The following PPA2 variants were observed in gnomAD, a reference collection of about 807,000 sequenced individuals.
PPA2 encodes inorganic pyrophosphatase 2.
A neutral mutation model predicts 49.5 loss-of-function variants in PPA2; 48 were observed. That is an observed-to-expected ratio of 0.97 (90% CI 0.77 to 1.23). The LOEUF is 1.23. Ranked by LOEUF, PPA2 falls within the 50% of genes most tolerant of loss-of-function variation. The pLI is 0.00. For missense variants in PPA2, 429 were observed against 410.1 expected (o/e 1.05, Z -0.40); for synonymous variants, 131 against 139.9 (o/e 0.94, Z 0.45).
intron 1 of PPA2, among the ~76,000 whole-genome samples, chr4:105,463,618 CCT>C (rs2110327562): frequency 6.6e-6 from 1 of 152,324 alleles, no homozygotes; most frequent in South Asian, 2.1e-4. Flanking sequence ...CATCACAGGC[CCT>C]GAGGCCTAGT....
chr4:105,415,287 C>A (rs1422525990), intron 7 of PPA2, among the ~76,000 whole-genome samples: 1 of 152,212 alleles, frequency 6.6e-6, no homozygotes, highest in African/African-American at 2.4e-5. Context: ...TCCACTGTAC[C>A]CAGGCTGTTT....
chr4:105,440,505 C>T (rs1377532908), intron 5 of PPA2, among the ~76,000 whole-genome samples: 1 of 152,144 alleles, frequency 6.6e-6, no homozygotes, highest in East Asian at 1.9e-4. Context: ...TCGTGATCCA[C>T]CTGCCTCGGC....
At chr4:105,399,866 T>C (rs1734288967) in intron 7 of PPA2, among the ~76,000 whole-genome samples, 2 of 152,188 alleles carry the variant, frequency 1.3e-5, no homozygotes, top group African/African-American at 4.8e-5. Flanking sequence ...ATTCCAGAAA[T>C]AAACAATTCA....
intron 10 of PPA2, among the ~76,000 whole-genome samples, chr4:105,378,471 T>C (rs1733347706): frequency 6.6e-6 from 1 of 152,182 alleles, no homozygotes; most frequent in Non-Finnish European, 1.5e-5. Flanking sequence ...GAAAGTTCTT[T>C]ATATATTCTG....
chr4:105,393,935 T>G (rs567660897), intron 9 of PPA2, among the ~76,000 whole-genome samples: 10 of 152,296 alleles, frequency 6.6e-5, no homozygotes, highest in Non-Finnish European at 8.8e-5. Flanking sequence ...TGAGTTAAAA[T>G]TCTGAAGCTC....
At position 105,429,144 on chromosome 4, in the gene PPA2, A is replaced by C. The variant is rs144461868; in HGVS notation, c.529-4822T>G. Among the ~76,000 whole-genome samples the C allele has an allele frequency of 6.8e-4, 104 of 152,224 alleles. 1 individual carries two copies. Among genetic ancestry groups the C allele is most frequent in the African/African-American group, 2.5e-3 (103 of 41,534 alleles). On this transcript the variant is annotated intron_variant, in intron 6 of 11. Coordinates refer to ENST00000341695, the MANE Select transcript of PPA2 (RefSeq NM_176869.3). ...TAGAGGAATCAGAAGTTGAAGCAAAACCTTTAATTTCATTCTACTGCCAAA... is the reference window on the plus strand; with the variant it reads ...TAGAGGAATCAGAAGTTGAAGCAAACCCTTTAATTTCATTCTACTGCCAAA...
At chr4:105,394,756 G>T (rs980262295) in intron 9 of PPA2, among the ~76,000 whole-genome samples, 18 of 152,086 alleles carry the variant, frequency 1.2e-4, no homozygotes, top group Non-Finnish European at 1.5e-5. Flanking sequence ...CAAACAAAGG[G>T]TCTCTGGCTG....
intron 5 of PPA2, among the ~76,000 whole-genome samples, chr4:105,445,766 C>T (rs1024725412): frequency 6.6e-6 from 1 of 151,998 alleles, no homozygotes; most frequent in African/African-American, 2.4e-5. Flanking sequence ...AGAGTTACCT[C>T]TTCCTGGGAA....
chr4:105,431,827 A>T (rs1363810396), intron 6 of PPA2, among the ~76,000 whole-genome samples: 2 of 152,228 alleles, frequency 1.3e-5, no homozygotes, highest in Non-Finnish European at 2.9e-5. Flanking sequence ...GGCCAGACAC[A>T]AAAGGTTACA....
intron 5 of PPA2, among the ~76,000 whole-genome samples, chr4:105,445,437 T>C (rs1722332768): frequency 6.6e-6 from 1 of 152,116 alleles, no homozygotes; most frequent in South Asian, 2.1e-4. Context: ...AATGTATCCA[T>C]GTGGGTGATC....
In PPA2 at chr4:105,434,706, T is replaced by G. The variant is rs942156704; in HGVS notation, c.528+3244A>C. ...ATTTATTTTAAAATTTCAAACAACA[T>G]AAGAACAGATAAGACATGTATAGGT... On this transcript the variant is annotated intron_variant, in intron 6 of 11. Transcript: ENST00000341695. 2.0e-5 allele frequency among the ~76,000 whole-genome samples: 3 copies of G among 152,278 alleles called. No individual in the cohort carries two copies. In the South Asian group the frequency reaches 6.2e-4, roughly 32 times the overall value.
intron 7 of PPA2, chr4:105,423,436 A>ATAATAGTTG (rs1439878218): frequency 2.0e-5 from 3 of 152,214 alleles, no homozygotes; most frequent in Admixed American, 2.0e-4. Context: ...TCAAAGAATA[A>ATAATAGTTG]TAATAGTTGT....
intron 9 of PPA2, among the ~76,000 whole-genome samples, chr4:105,392,595 C>T (rs1733970116): frequency 6.6e-6 from 1 of 151,914 alleles, no homozygotes; most frequent in South Asian, 2.1e-4. Flanking sequence ...ATTGCTTGAG[C>T]CCGGGAGGCA....
At chr4:105,415,800 A>C (rs1722981681) in intron 7 of PPA2, among the ~76,000 whole-genome samples, 1 of 152,256 alleles carries the variant, frequency 6.6e-6, no homozygotes, top group African/African-American at 2.4e-5. Flanking sequence ...ATGTCATTTA[A>C]ACTTCACAAC....
intron 3 of PPA2, among the ~76,000 whole-genome samples, chr4:105,451,565 A>G (rs1418216068): frequency 1.3e-5 from 2 of 152,246 alleles, no homozygotes; most frequent in African/African-American, 4.8e-5. Context: ...GCTGTTAAAA[A>G]GAAAAACCAA....
intron 10 of PPA2, among the ~76,000 whole-genome samples, chr4:105,385,430 A>C (rs1208524166): frequency 1.3e-5 from 2 of 152,064 alleles, no homozygotes; most frequent in Admixed American, 6.5e-5. Context: ...AAAAACAAAC[A>C]AACAACAACA....
Position 105,424,334 on chromosome 4 carries a change from A to G in PPA2, c.529-12T>C. 2 of 1,578,870 alleles carry G rather than the reference A, an allele frequency of 1.3e-6. No individual in the cohort carries two copies. Among genetic ancestry groups the G allele is most frequent in the South Asian group, 1.2e-5 (1 of 85,074 alleles). On this transcript the variant is annotated splice_polypyrimidine_tract_variant and intron_variant, in intron 6 of 11. Transcript: ENST00000341695. ...CCACAAGAAAGAATCTTTAAAGAAA[A>G]AAGAAATTCACTATTTGCAAGGCTT...
At chr4:105,382,089 T>A (rs1006062791) in intron 10 of PPA2, among the ~76,000 whole-genome samples, 1 of 152,024 alleles carries the variant, frequency 6.6e-6, no homozygotes, top group Non-Finnish European at 1.5e-5. Context: ...ATACACTGAC[T>A]CAGTTGTCTT....
intron 1 of PPA2, among the ~76,000 whole-genome samples, chr4:105,469,123 C>T (rs1275346598): frequency 6.6e-6 from 1 of 152,186 alleles, no homozygotes; most frequent in African/African-American, 2.4e-5. Flanking sequence ...TCCTCACTTA[C>T]TATCACTTTA....
Sources: gnomAD v4.1 joint callset for allele counts (sites outside exome capture counted in the v4.1 genomes callset) on GRCh38, gnomAD v4.1.1 for gene constraint, MANE v1.5 for transcripts, NCBI Gene and HGNC (gene_info 2026-07-23, HGNC 2026-07-21) for gene names.